TMBIM4: variants seen among roughly 807,000 people sequenced by gnomAD.
The protein encoded by TMBIM4 is protein lifeguard 4.
In TMBIM4, 28 loss-of-function variants were observed where a neutral mutation model predicts 27.7. That is an observed-to-expected ratio of 1.01 (90% confidence interval 0.75 to 1.38). The LOEUF is 1.38. Ranked by LOEUF, TMBIM4 falls within the 40% of genes most tolerant of loss-of-function variation. The pLI is 0.00. For missense variants in TMBIM4, 265 were observed against 277.5 expected (o/e 0.95, Z 0.32); for synonymous variants, 115 against 113.1 (o/e 1.02, Z -0.11).
intron 5 of TMBIM4, among the ~76,000 whole-genome samples, chr12:66,140,571 A>AG (rs2051652376): frequency 6.6e-6 from 1 of 152,174 alleles, no homozygotes; most frequent in South Asian, 2.1e-4. Context: ...AAAGAAGGGG[A>AG]GACAGATAAA....
intron 5 of TMBIM4, among the ~76,000 whole-genome samples, chr12:66,142,694 G>A (rs2051688077): frequency 1.4e-5 from 2 of 143,520 alleles, no homozygotes; most frequent in African/African-American, 5.9e-5. Context: ...GTTCACTATT[G>A]GAAAAAAAAA....
intron 1 of TMBIM4, among the ~76,000 whole-genome samples, chr12:66,156,270 C>T (rs10878387): frequency 0.077 from 11,684 of 152,250 alleles, 1,035 homozygotes; most frequent in East Asian, 0.51. Context: ...ATGGCCAAAA[C>T]TGGAGCTCTT....
Position 66,143,863 on chromosome 12 carries a change from C to T in TMBIM4, c.464+1978G>A, listed in dbSNP as rs76796634. Among the ~76,000 whole-genome samples, 899 of 152,186 alleles carry T rather than the reference C, an allele frequency of 5.9e-3. 10 individuals are homozygous for T. The highest frequency in any genetic ancestry group is 0.02 in the African/African-American group (839 of 41,522). On this transcript the variant is annotated intron_variant, in intron 5 of 6. Transcript: ENST00000358230. ...TTCCACAACCACTTTGGCTTTGAGGCGTCACAGTAAGTAGTGCCATTAAGT... is the reference window on the plus strand; with the variant it reads ...TTCCACAACCACTTTGGCTTTGAGGTGTCACAGTAAGTAGTGCCATTAAGT...
At chr12:66,153,043 A>G (rs1399976147) in intron 2 of TMBIM4, among the ~76,000 whole-genome samples, 2 of 152,116 alleles carry the variant, frequency 1.3e-5, no homozygotes, top group South Asian at 2.1e-4. Flanking sequence ...CAGGGAATAT[A>G]GTCTAATAAA....
chr12:66,158,811 A>T (rs2051989858), intron 1 of TMBIM4, among the ~76,000 whole-genome samples: 1 of 152,222 alleles, frequency 6.6e-6, no homozygotes, highest in Non-Finnish European at 1.5e-5. Context: ...TTTCTGAAGA[A>T]TTATATTGGC....
At chr12:66,152,512 C>T (rs1457235952) in intron 2 of TMBIM4, 136 bp from the exon 3 acceptor site, 1 of 479,146 alleles carries the variant, frequency 2.1e-6, no homozygotes, top group Non-Finnish European at 3.5e-6. Flanking sequence ...CCACACCAAA[C>T]TATCAAATTA....
chr12:66,142,064 A>G (rs915848913), intron 5 of TMBIM4, among the ~76,000 whole-genome samples: 1 of 152,152 alleles, frequency 6.6e-6, no homozygotes, highest in Non-Finnish European at 1.5e-5. Context: ...AGATACCATT[A>G]AAAAATAAAT....
chr12:66,140,292 C>A (rs1457875174), intron 5 of TMBIM4, among the ~76,000 whole-genome samples: 1 of 151,928 alleles, frequency 6.6e-6, no homozygotes, highest in Non-Finnish European at 1.5e-5. Context: ...ATGGAAGATA[C>A]TATTTTTTTT....
At chr12:66,138,812 C>A in intron 5 of TMBIM4, 43 bp from the exon 6 acceptor site, 2 of 1,444,510 alleles carry the variant, frequency 1.4e-6, no homozygotes, top group Non-Finnish European at 1.8e-6. Context: ...TTGTTCCTTA[C>A]AAAAAAACTT....
At chr12:66,139,738 C>T (rs2051636393) in intron 5 of TMBIM4, 1 of 455,918 alleles carries the variant, frequency 2.2e-6, no homozygotes, top group South Asian at 1.5e-5. Context: ...TAGCTACATT[C>T]TGATTAATAC....
intron 1 of TMBIM4, among the ~76,000 whole-genome samples, chr12:66,159,218 T>C (rs1364593098): frequency 1.3e-5 from 2 of 152,216 alleles, no homozygotes; most frequent in Non-Finnish European, 2.9e-5. Context: ...TAATGATGTG[T>C]GTGATTCCAT....
intron 6 of TMBIM4, 122 bp from the exon 7 acceptor site, chr12:66,138,288 T>C: frequency 6.9e-7 from 1 of 1,438,968 alleles, no homozygotes; most frequent in Non-Finnish European, 9.0e-7. Context: ...CAACTTTGAA[T>C]ACAAATGTTA....
intron 1 of TMBIM4, among the ~76,000 whole-genome samples, chr12:66,166,177 T>C (rs779972221): frequency 2.0e-5 from 3 of 152,166 alleles, no homozygotes; most frequent in Non-Finnish European, 4.4e-5. Context: ...CTTTTCTCAT[T>C]TGATTGGCTG....
intron 5 of TMBIM4, among the ~76,000 whole-genome samples, chr12:66,143,562 T>C (rs1184919588): frequency 6.6e-6 from 1 of 152,148 alleles, no homozygotes; most frequent in Admixed American, 6.5e-5. Flanking sequence ...CAATGACCAG[T>C]TGCCACAGTT....
chr12:66,167,977 T>A (rs1484902744), intron 1 of TMBIM4, among the ~76,000 whole-genome samples: 1 of 152,144 alleles, frequency 6.6e-6, no homozygotes, highest in Non-Finnish European at 1.5e-5. Context: ...CCCAGGACTT[T>A]GGGAGGCTGA....
At chr12:66,139,269 C>T (rs983812782) in intron 5 of TMBIM4, among the ~76,000 whole-genome samples, 1 of 152,090 alleles carries the variant, frequency 6.6e-6, no homozygotes, top group Non-Finnish European at 1.5e-5. Flanking sequence ...TTATGAGTTA[C>T]AATTCAATTG....
intron 4 of TMBIM4, 66 bp downstream of exon 4, chr12:66,147,842 T>C: frequency 7.3e-7 from 1 of 1,363,774 alleles, no homozygotes; most frequent in Non-Finnish European, 1.0e-6. Context: ...CAAATACCTT[T>C]TTACCTGAAA....
At chr12:66,142,836 A>C (rs1309646514) in intron 5 of TMBIM4, among the ~76,000 whole-genome samples, 1 of 152,180 alleles carries the variant, frequency 6.6e-6, no homozygotes, top group African/African-American at 2.4e-5. Context: ...TAGGGCTGCC[A>C]GAGGTCACTG....
intron 2 of TMBIM4, among the ~76,000 whole-genome samples, chr12:66,153,090 G>A (rs904662094): frequency 6.6e-6 from 1 of 152,046 alleles, no homozygotes; most frequent in African/African-American, 2.4e-5. Context: ...ATGGCATGCA[G>A]TAAAAATTCT....
Sources: allele counts gnomAD v4.1 joint callset (sites outside exome capture counted in the v4.1 genomes callset), GRCh38; gene constraint gnomAD v4.1.1; transcripts MANE v1.5; gene names NCBI Gene and HGNC (gene_info 2026-07-23, HGNC 2026-07-21).